Variants in ACP3 observed in about 807,000 individuals in gnomAD.
ACP3 encodes acid phosphatase 3.
ACP3 carries 38 observed loss-of-function variants against 45.6 expected under a neutral mutation model. The ratio of observed to expected loss-of-function variants is 0.83; its 90% CI spans 0.64 to 1.09. The LOEUF (loss-of-function observed/expected upper bound fraction) is 1.09. Among genes scored for constraint, ACP3 ranks in the 50% least tolerant of loss-of-function variants. The pLI, the probability that ACP3 is intolerant of heterozygous loss-of-function variation, is 0.00. For missense variants in ACP3, 466 were observed against 463.2 expected (o/e 1.01, Z -0.05); for synonymous variants, 162 against 164.7 (o/e 0.98, Z 0.13).
rs1475486271 is a variant in ACP3, at chr3:132,352,820, AG to A, written c.968+1del. The part of the protein sequence containing the change: ...SCHLTELYFE[K>X]GEYFVEMYYR... ...CACTTGACGGAATTGTACTTTGAGA[AG>A]GGGTAAGTGACTAAGTGCTTTTCAA... On this transcript the variant is annotated frameshift_variant and splice_region_variant, in exon 9 of 10. Transcript: ENST00000336375. LOFTEE classifies it high-confidence loss of function. The A allele has an allele frequency of 6.2e-7, 1 of 1,601,710 alleles. No individual in the cohort carries two copies. The highest frequency in any genetic ancestry group is 1.1e-5 in the South Asian group (1 of 90,790).
intron 5 of ACP3, among the ~76,000 whole-genome samples, chr3:132,338,619 A>T (rs1465647741): frequency 6.6e-6 from 1 of 152,232 alleles, no homozygotes; most frequent in Non-Finnish European, 1.5e-5. Context: ...TCAGCACTGC[A>T]TGCAAATGCC....
At position 132,349,947 on chromosome 3, in the gene ACP3, A is replaced by C; in HGVS notation, c.809A>C (p.His270Pro). Reference protein sequence around the residue: ...GGVLVNEILNHMKRATQIPSY... With the variant: ...GGVLVNEILNPMKRATQIPSY... ...GTCCTGGTCAATGAAATCCTCAATC[A>C]CATGAAGAGAGCAACTCAGATACCA... The change falls in exon 8 of 10, where the codon CAC becomes CCC. Residue 270 changes from histidine (H) to proline (P), a missense_variant. By Grantham distance (77) the His-to-Pro change is moderately conservative (BLOSUM62 -2). Transcript: ENST00000336375. 3 of 1,612,990 alleles carry C rather than the reference A, an allele frequency of 1.9e-6. No homozygotes were observed. The highest frequency in any genetic ancestry group is 2.5e-6 in the Non-Finnish European group (3 of 1,179,030).
At chr3:132,349,758 A>G (rs111483341) in intron 7 of ACP3, among the ~76,000 whole-genome samples, 162 bp from the exon 8 acceptor site, 19 of 152,302 alleles carry the variant, frequency 1.2e-4, no homozygotes, top group East Asian at 1.9e-4. Context: ...TATGTAAATC[A>G]CATTACCTAG....
chr3:132,354,869 C>T (rs1406105114), intron 9 of ACP3, among the ~76,000 whole-genome samples: 1 of 152,136 alleles, frequency 6.6e-6, no homozygotes, highest in African/African-American at 2.4e-5. Flanking sequence ...TCTTTGTACT[C>T]ATCTTTGGCT....
intron 1 of ACP3, among the ~76,000 whole-genome samples, chr3:132,327,329 C>A (rs1268770309): frequency 6.6e-6 from 1 of 151,902 alleles, no homozygotes; most frequent in Admixed American, 6.6e-5. Flanking sequence ...GCCTGGCCAA[C>A]ATGGTGAAAC....
intron 7 of ACP3, among the ~76,000 whole-genome samples, chr3:132,345,918 T>G (rs1258246406): frequency 6.6e-6 from 1 of 152,134 alleles, no homozygotes; most frequent in Non-Finnish European, 1.5e-5. Context: ...ATCATAGGTA[T>G]TAAAACTAGG....
chr3:132,347,930 G>T (rs1437251460), intron 7 of ACP3, among the ~76,000 whole-genome samples: 1 of 151,752 alleles, frequency 6.6e-6, no homozygotes, highest in African/African-American at 2.4e-5. Context: ...AGTGAAAAGA[G>T]AGCTCTTCTT....
intron 4 of ACP3, among the ~76,000 whole-genome samples, chr3:132,334,141 A>G (rs1010042730): frequency 3.3e-5 from 5 of 152,196 alleles, no homozygotes; most frequent in Non-Finnish European, 5.9e-5. Flanking sequence ...AATGTAGACC[A>G]CAACAGCTAT....
intron 6 of ACP3, among the ~76,000 whole-genome samples, chr3:132,344,268 A>G (rs1354779976): frequency 2.3e-5 from 3 of 131,592 alleles, no homozygotes; most frequent in African/African-American, 8.3e-5. Flanking sequence ...ACAGAGCAAG[A>G]TTCTGTCTCA....
chr3:132,325,619 C>CACACACACACACACACACACACACACACA (rs1308503169), intron 1 of ACP3, among the ~76,000 whole-genome samples: 14 of 151,366 alleles, frequency 9.2e-5, no homozygotes, highest in South Asian at 6.3e-4. Flanking sequence ...CACACACACA[C>CACACACACACACACACACACACACACACA]CCCTTCCAAT....
At chr3:132,318,108 G>A (rs867441464) in intron 1 of ACP3, among the ~76,000 whole-genome samples, 2 of 152,162 alleles carry the variant, frequency 1.3e-5, no homozygotes, top group Non-Finnish European at 1.5e-5. Flanking sequence ...TTTAGTTGAC[G>A]ATTAAAATCA....
rs764660360 is a variant in ACP3, at chr3:132,328,340, A to G, written c.194A>G (p.Gln65Arg). The part of the protein sequence containing the change: ...TDPIKESSWP[Q>R]GFGQLTQLGM... Reference sequence around the variant, plus strand: ...CCCATAAAGGAATCCTCATGGCCACAAGGATTTGGCCAACTCACCCAGGTT... The same window carrying G: ...CCCATAAAGGAATCCTCATGGCCACGAGGATTTGGCCAACTCACCCAGGTT... Residue 65 changes from glutamine to arginine, a missense_variant, in exon 2 of 10, where the codon CAA (glutamine) becomes CGA (arginine). Gln to Arg is a conservative substitution (Grantham distance 43). Transcript: ENST00000336375. The G allele has an allele frequency of 3.7e-6, 6 of 1,613,764 alleles. No individual in the cohort carries two copies. The highest frequency in any genetic ancestry group is 5.1e-6 in the Non-Finnish European group (6 of 1,179,794).
Position 132,332,329 on chromosome 3 carries a change from T to G in ACP3, c.441T>G (p.Pro147=). 6.2e-7 allele frequency: 1 copy of G among 1,614,140 alleles called. No individual in the cohort carries two copies. Among genetic ancestry groups the G allele is most frequent in the Non-Finnish European group, 8.5e-7 (1 of 1,180,000 alleles). Residue 147 remains proline (P), a synonymous_variant, in exon 4 of 10, where the codon CCT becomes CCG. Transcript: ENST00000336375. ...AGCCCATCCCGGTGCACACAGTTCC[T>G]CTTTCTGAAGATCAGGTCAGTATAC... The part of the protein sequence containing the change: ...LWQPIPVHTV[P]LSEDQLLYLP...
chr3:132,362,474 A>G (rs151226793), downstream of ACP3, among the ~76,000 whole-genome samples: 53 of 152,360 alleles, frequency 3.5e-4, no homozygotes, highest in East Asian at 7.3e-3. Context: ...AAGCTTGCTG[A>G]GTAAACAGCA....
chr3:132,367,800 G>C (rs1221380039), exon 11 of ACP3: 10 of 1,613,120 alleles, frequency 6.2e-6, no homozygotes, highest in Non-Finnish European at 8.5e-6. Context: ...TGCTGGCAGA[G>C]AGAATCCTAT....
intron 1 of ACP3, among the ~76,000 whole-genome samples, chr3:132,323,119 C>A (rs1226550617): frequency 2.0e-5 from 3 of 149,464 alleles, no homozygotes; most frequent in Non-Finnish European, 4.4e-5. Context: ...TCTGTTAAAG[C>A]AACAGAAAAT....
chr3:132,349,013 A>ACACACACACACACACACACACC (rs1394263295), intron 7 of ACP3, among the ~76,000 whole-genome samples: 2 of 151,912 alleles, frequency 1.3e-5, no homozygotes, highest in African/African-American at 4.8e-5. Context: ...ACACACACAC[A>ACACACACACACACACACACACC]CCCTAACACA....
At position 132,317,834 on chromosome 3, in the gene ACP3, C is replaced by G. The variant is rs193225254; in HGVS notation, c.120+258C>G. Among the ~76,000 whole-genome samples the G allele has an allele frequency of 1.5e-3, 230 of 152,332 alleles. 3 individuals are homozygous for G. Among genetic ancestry groups the G allele is most frequent in the Non-Finnish European group, 1.7e-3 (113 of 68,022 alleles). On this transcript the variant is annotated intron_variant, in intron 1 of 9. Transcript: ENST00000336375. ...TTTGCTGATGTTATTTATTTACTTA[C>G]TTTACAACTGCCTTGAATTCAGATT...
intron 1 of ACP3, 33 bp from the exon 2 acceptor site, chr3:132,328,234 T>G: frequency 1.3e-6 from 2 of 1,554,800 alleles, no homozygotes; most frequent in Non-Finnish European, 1.8e-6. Flanking sequence ...CCAAGTGACG[T>G]TTGTAACATC....
Sources: gnomAD v4.1 joint callset for allele counts (sites outside exome capture counted in the v4.1 genomes callset) on GRCh38, gnomAD v4.1.1 for gene constraint, MANE v1.5 for transcripts, NCBI Gene and HGNC (gene_info 2026-07-23, HGNC 2026-07-21) for gene names.